The following CLCN3 variants were observed in gnomAD, a reference collection of about 807,000 sequenced individuals.
CLCN3 encodes Cl-/H+ antiporter 3.
A neutral mutation model predicts 83.4 loss-of-function variants in CLCN3; 16 were observed. The ratio of observed to expected loss-of-function variants is 0.19; its 90% CI spans 0.13 to 0.29. The LOEUF (loss-of-function observed/expected upper bound fraction) is 0.29. CLCN3 is among the 10% of genes least tolerant of loss of function. CLCN3 has a pLI of 1.00. For synonymous variants in CLCN3, 322 were observed against 346.2 expected (o/e 0.93, Z 0.78); for missense variants, 544 against 1,006.0 (o/e 0.54, Z 6.21).
At chr4:169,663,636 G>A (rs1226661093) in intron 2 of CLCN3, 8 of 430,604 alleles carry the variant, frequency 1.9e-5, no homozygotes, top group East Asian at 1.8e-4. Context: ...CACTGTGCCT[G>A]GCTTGTTCTA....
intron 2 of CLCN3, among the ~76,000 whole-genome samples, chr4:169,679,060 G>A (rs1438717421): frequency 6.6e-6 from 1 of 151,722 alleles, no homozygotes; most frequent in African/African-American, 2.4e-5. Flanking sequence ...TCCCAGACTG[G>A]GTGGCCGGGC....
At chr4:169,675,346 A>C (rs1419082562) in intron 2 of CLCN3, among the ~76,000 whole-genome samples, 2 of 152,244 alleles carry the variant, frequency 1.3e-5, no homozygotes, top group Non-Finnish European at 2.9e-5. Flanking sequence ...GATTACGAGA[A>C]GTTCAGATTC....
chr4:169,632,268 T>C (rs1473171771), intron 1 of CLCN3, among the ~76,000 whole-genome samples: 3 of 152,024 alleles, frequency 2.0e-5, no homozygotes, highest in South Asian at 2.1e-4. Flanking sequence ...GACTGAGAGA[T>C]TGAAAGATCA....
intron 3 of CLCN3, among the ~76,000 whole-genome samples, chr4:169,683,578 A>T (rs1352699356): frequency 6.6e-6 from 1 of 152,154 alleles, no homozygotes; most frequent in South Asian, 2.1e-4. Flanking sequence ...CAAATAGTAT[A>T]GCAATATATG....
intron 1 of CLCN3, among the ~76,000 whole-genome samples, chr4:169,634,949 T>A (rs572011923): frequency 6.6e-6 from 1 of 152,180 alleles, no homozygotes; most frequent in Non-Finnish European, 1.5e-5. Context: ...CATAAATACC[T>A]TTTTGTTATT....
intron 1 of CLCN3, among the ~76,000 whole-genome samples, chr4:169,633,432 TA>T (rs771938132): frequency 2.0e-4 from 31 of 152,252 alleles, no homozygotes; most frequent in Non-Finnish European, 3.2e-4. Flanking sequence ...GACTTTGCAT[TA>T]TTTTTTTTAA....
At chr4:169,652,845 T>C (rs922183886) in intron 2 of CLCN3, among the ~76,000 whole-genome samples, 4 of 152,264 alleles carry the variant, frequency 2.6e-5, no homozygotes, top group South Asian at 2.1e-4. Flanking sequence ...GCATTTTCTT[T>C]GTAGTCAAAG....
intron 2 of CLCN3, among the ~76,000 whole-genome samples, chr4:169,650,260 G>A (rs1196738558): frequency 2.0e-5 from 3 of 152,188 alleles, no homozygotes; most frequent in Non-Finnish European, 4.4e-5. Context: ...AGGAAACACA[G>A]TATTCTCGTA....
intron 8 of CLCN3, 46 bp from the exon 9 acceptor site, chr4:169,697,138 CATCTT>C: frequency 7.7e-7 from 1 of 1,291,020 alleles, no homozygotes; most frequent in Non-Finnish European, 1.1e-6. Flanking sequence ...ATATCAGAAA[CATCTT>C]ATAAAATTAT....
intron 1 of CLCN3, among the ~76,000 whole-genome samples, chr4:169,621,777 T>G (rs1773118971): frequency 6.6e-6 from 1 of 152,258 alleles, no homozygotes; most frequent in Admixed American, 6.5e-5. Context: ...GCTTTTACTT[T>G]CATCTTTAAA....
rs562965710 is a variant in CLCN3, at chr4:169,672,603, T to A, written c.161-7447T>A. ...GTTGCTTTTAAAAAATTTTAACATA[T>A]ATGTAATTTTTTGTACTTATCTCAT... On this transcript the variant is annotated intron_variant, in intron 2 of 12. Coordinates refer to ENST00000513761, the MANE Select transcript of CLCN3 (RefSeq NM_001829.4). Among the ~76,000 whole-genome samples, 9 of 152,274 alleles carry A rather than the reference T, an allele frequency of 5.9e-5. No homozygotes were observed. In the East Asian group the frequency reaches 1.2e-3, roughly 20 times the overall value.
intron 2 of CLCN3, among the ~76,000 whole-genome samples, chr4:169,653,234 ATG>A (rs759572344): frequency 2.7e-3 from 415 of 151,350 alleles, no homozygotes; most frequent in Middle Eastern, 6.9e-3. Flanking sequence ...TGATTTGTAT[ATG>A]TGTGTGTGTG....
chr4:169,690,407 A>C, intron 5 of CLCN3, 123 bp from the exon 6 acceptor site: 1 of 956,424 alleles, frequency 1.0e-6, no homozygotes, highest in Non-Finnish European at 1.5e-6. Flanking sequence ...CAACCTCCCC[A>C]GTGCTGGGAT....
intron 2 of CLCN3, among the ~76,000 whole-genome samples, chr4:169,646,220 A>G (rs762895164): frequency 2.0e-5 from 3 of 152,162 alleles, no homozygotes; most frequent in East Asian, 3.8e-4. Context: ...TTCTTTGTAA[A>G]ATAGTCATCT....
At chr4:169,660,744 C>T (rs961845150) in intron 2 of CLCN3, among the ~76,000 whole-genome samples, 1 of 152,194 alleles carries the variant, frequency 6.6e-6, no homozygotes, top group Admixed American at 6.6e-5. Flanking sequence ...TTACAGCCAA[C>T]TAAAGTCGTG....
intron 2 of CLCN3, among the ~76,000 whole-genome samples, chr4:169,637,180 T>G (rs1472177310): frequency 6.6e-6 from 1 of 152,248 alleles, no homozygotes; most frequent in African/African-American, 2.4e-5. Context: ...TTAAAGCACC[T>G]ATTCAGTCCT....
Position 169,673,974 on chromosome 4 carries a change from C to G in CLCN3, c.161-6076C>G, listed in dbSNP as rs538277275. Reference sequence around the variant, plus strand: ...GTATTCCCTCAAGAAAGGGCATTTTCTTCTGTATAGCTACCGTACACTTCT... The same window carrying G: ...GTATTCCCTCAAGAAAGGGCATTTTGTTCTGTATAGCTACCGTACACTTCT... On this transcript the variant is annotated intron_variant, in intron 2 of 12. Coordinates refer to ENST00000513761, the MANE Select transcript of CLCN3 (RefSeq NM_001829.4). Among the ~76,000 whole-genome samples the G allele has an allele frequency of 2.6e-5, 4 of 152,256 alleles. No homozygotes were observed. In the East Asian group the frequency reaches 7.7e-4, roughly 29 times the overall value.
chr4:169,636,134 C>T, intron 2 of CLCN3, 46 bp downstream of exon 2: 5 of 1,507,588 alleles, frequency 3.3e-6, no homozygotes, highest in Non-Finnish European at 4.5e-6. Context: ...TGAATATCCA[C>T]TAATAAATAT....
intron 3 of CLCN3, among the ~76,000 whole-genome samples, chr4:169,686,926 C>T (rs1418559238): frequency 2.6e-5 from 4 of 152,172 alleles, no homozygotes; most frequent in Non-Finnish European, 5.9e-5. Context: ...TTGCCTTACA[C>T]AGTAAAGAAA....
Sources: gnomAD v4.1 joint callset for allele counts (sites outside exome capture counted in the v4.1 genomes callset) on GRCh38, gnomAD v4.1.1 for gene constraint, MANE v1.5 for transcripts, NCBI Gene and HGNC (gene_info 2026-07-23, HGNC 2026-07-21) for gene names.